SLC38A3: variants seen among roughly 807,000 people sequenced by gnomAD.
SLC38A3 encodes solute carrier family 38 member 3, also known as sodium-coupled neutral amino acid transporter 3.
In SLC38A3, 17 loss-of-function variants were observed where a neutral mutation model predicts 59.5. The observed-to-expected ratio is 0.29, with a 90% CI of 0.20 to 0.43. The LOEUF is 0.43. Among genes scored for constraint, SLC38A3 ranks in the 20% least tolerant of loss-of-function variants. SLC38A3 has a pLI of 1.00. For synonymous variants in SLC38A3, 238 were observed against 260.3 expected, an observed-to-expected ratio of 0.91 and a Z score of 0.82; for missense variants, 454 against 653.9, an observed-to-expected ratio of 0.69 and a Z score of 3.33.
At chr3:50,207,921 G>T (rs2109148487) in intron 1 of SLC38A3, 1 of 152,446 alleles carries the variant, frequency 6.6e-6, no homozygotes. Context: ...GGGAATGGGG[G>T]TCACTCCGAC....
rs769115978 is a variant in SLC38A3 at position 50,218,285 on chromosome 3, G to C, written c.951G>C (p.Lys317Asn). The C allele has an allele frequency of 1.9e-6, 3 of 1,600,290 alleles. No individual in the cohort carries two copies. The highest frequency in any genetic ancestry group is 1.7e-6 in the Non-Finnish European group (2 of 1,167,608). ...YTELKDPSKK[K>N]MQHISNLSIA... ...TTCCCCACAGCCCCTCCAAGAAGAA[G>C]ATGCAGCACATCTCCAACCTGTCCA... Residue 317 changes from lysine (K) to asparagine (N), a missense_variant, in exon 12 of 16, where the codon AAG (lysine) becomes AAC (asparagine). Around this residue, in one of 3 missense-constraint regions of SLC38A3, gnomAD observed 390 missense variants for 557.9 expected, o/e 0.70. Coordinates refer to ENST00000614032, the MANE Select transcript of SLC38A3 (RefSeq NM_006841.6). The surrounding 1 kb of genome is among the most constrained non-coding windows in gnomAD (Gnocchi z 5.8).
chr3:50,216,262 G>A (rs988490776), intron 7 of SLC38A3, among the ~76,000 whole-genome samples: 4 of 152,236 alleles, frequency 2.6e-5, no homozygotes, highest in African/African-American at 9.6e-5. Context: ...GGACAGAGGG[G>A]ACACAGCCAG....
Position 50,218,881 on chromosome 3 carries a change from C to T in SLC38A3, c.1239C>T (p.Gly413=), listed in dbSNP as rs765585734. ...TGCGGCATGTGCTTATTGCCGTTGGCCTGCTCACTTGTATCAACCTGCTGG... is the reference window on the plus strand; with the variant it reads ...TGCGGCATGTGCTTATTGCCGTTGGTCTGCTCACTTGTATCAACCTGCTGG... ...SWLRHVLIAV[G]LLTCINLLVI... The change falls in exon 14 of 16, where the codon GGC becomes GGT. Residue 413 remains glycine (G), a synonymous_variant. Coordinates refer to ENST00000614032, the MANE Select transcript of SLC38A3 (RefSeq NM_006841.6). This position sits in a 1 kb window ranked among gnomAD's most constrained non-coding sequence, Gnocchi z 5.8. 3.1e-6 allele frequency: 5 copies of T among 1,613,598 alleles called. No homozygotes were observed. Among genetic ancestry groups the T allele is most frequent in the Non-Finnish European group, 4.2e-6 (5 of 1,179,664 alleles).
intron 1 of SLC38A3, among the ~76,000 whole-genome samples, chr3:50,210,935 C>T (rs186308795): frequency 6.6e-6 from 1 of 152,186 alleles, no homozygotes; most frequent in Non-Finnish European, 1.5e-5. Context: ...ATGGACTGTT[C>T]TGGGGATGAA....
rs1244054102 is a variant in SLC38A3, at chr3:50,217,986, G to C, written c.925G>C (p.Glu309Gln). Residue 309 changes from glutamate (E) to glutamine (Q), a missense_variant, in exon 11 of 16, where the codon GAG (glutamate) becomes CAG (glutamine). By Grantham distance (29) the Glu-to-Gln change is conservative. Around this residue, in one of 3 missense-constraint regions of SLC38A3, gnomAD observed 390 missense variants for 557.9 expected, o/e 0.70. Coordinates refer to ENST00000614032, the MANE Select transcript of SLC38A3 (RefSeq NM_006841.6). This position sits in a 1 kb window ranked among gnomAD's most constrained non-coding sequence, Gnocchi z 4.9. ...CHPEVLPIYT[E>Q]LKDPSKKKMQ... ...CCCCGAGGTGCTGCCCATCTATACTGAGCTCAAGGAGTAGGTGTCTGTGGC... is the reference window on the plus strand; with the variant it reads ...CCCCGAGGTGCTGCCCATCTATACTCAGCTCAAGGAGTAGGTGTCTGTGGC... The C allele has an allele frequency of 6.2e-7, 1 of 1,614,002 alleles. No homozygotes were observed. The highest frequency in any genetic ancestry group is 1.7e-5 in the Admixed American group (1 of 60,022).
intron 7 of SLC38A3, among the ~76,000 whole-genome samples, chr3:50,216,026 C>A (rs587661312): frequency 6.6e-6 from 1 of 152,214 alleles, no homozygotes; most frequent in South Asian, 2.1e-4. Context: ...CCTTGGAGAC[C>A]CCCCTCCAGA....
intron 1 of SLC38A3, among the ~76,000 whole-genome samples, chr3:50,206,589 C>G (rs1340835077): frequency 6.6e-6 from 1 of 152,236 alleles, no homozygotes; most frequent in Non-Finnish European, 1.5e-5. Context: ...CGGTACCCTT[C>G]CTGCAAGAAG....
At chr3:50,206,768 G>C (rs1214794952) in intron 1 of SLC38A3, among the ~76,000 whole-genome samples, 1 of 152,196 alleles carries the variant, frequency 6.6e-6, no homozygotes. Context: ...TGTTCTGCCT[G>C]GGCCCATGGG....
At chr3:50,212,493 G>T (rs1699744682) in intron 1 of SLC38A3, among the ~76,000 whole-genome samples, 1 of 152,206 alleles carries the variant, frequency 6.6e-6, no homozygotes, top group Non-Finnish European at 1.5e-5. Context: ...CTCAATAAGA[G>T]ATGCTAACAT....
In SLC38A3 at chr3:50,215,274, C is replaced by A; in HGVS notation, c.300-112C>A. On this transcript the variant is annotated intron_variant, in intron 4 of 15. Transcript: ENST00000614032. This position sits in a 1 kb window ranked among gnomAD's most constrained non-coding sequence, Gnocchi z 7.1. ...CATCCATACCTGTTGGGAGTCCAGA[C>A]ACCCAGGTCACAGACCCTCCACCCC... is the stretch of plus-strand genomic sequence containing the variant. 1 of 898,614 alleles carries A rather than the reference C, an allele frequency of 1.1e-6. No homozygotes were observed. 55.7% of individuals were successfully genotyped at this position (898,614 alleles called of 1,614,324 possible). A position where few individuals can be genotyped will look rare whatever the true frequency, so the allele number is the denominator to read the frequency against.
intron 14 of SLC38A3, 62 bp from the exon 15 acceptor site, chr3:50,219,819 C>T (rs765250498): frequency 1.7e-4 from 228 of 1,376,750 alleles, no homozygotes; most frequent in Non-Finnish European, 1.6e-4. Context: ...GAAGAGTCCA[C>T]CCCCGAACCT....
chr3:50,209,648 CA>C (rs113482440), intron 1 of SLC38A3, among the ~76,000 whole-genome samples: 45 of 114,868 alleles, frequency 3.9e-4, no homozygotes, highest in Admixed American at 7.2e-4. Context: ...GACTCCGTCT[CA>C]AAAAAAAAAA....
intron 14 of SLC38A3, 132 bp downstream of exon 14, chr3:50,219,080 T>A: frequency 8.6e-7 from 1 of 1,158,662 alleles, no homozygotes; most frequent in Non-Finnish European, 1.2e-6. Flanking sequence ...GCCTTCCATC[T>A]GAGCTTTTGT....
At chr3:50,208,651 G>A (rs1013302119) in intron 1 of SLC38A3, among the ~76,000 whole-genome samples, 4 of 152,178 alleles carry the variant, frequency 2.6e-5, no homozygotes, top group Non-Finnish European at 5.9e-5. Context: ...TCACCTCCCT[G>A]GTTGTTTCTG....
At position 50,214,779 on chromosome 3, in the gene SLC38A3, T is replaced by A; in HGVS notation, c.299+11T>A. 1 of 1,548,646 alleles carries A rather than the reference T, an allele frequency of 6.5e-7. No individual in the cohort carries two copies. The highest frequency in any genetic ancestry group is 8.9e-7 in the Non-Finnish European group (1 of 1,126,892). ...CATTATCCTTTTCCTGTGAGTGCCC[T>A]CAGAGAAACTTCTAAAGATAGGGGC... On this transcript the variant is annotated intron_variant, in intron 4 of 15. Coordinates refer to ENST00000614032, the MANE Select transcript of SLC38A3 (RefSeq NM_006841.6). The surrounding 1 kb of genome is among the most constrained non-coding windows in gnomAD (Gnocchi z 6.0).
Position 50,220,265 on chromosome 3 carries a change from G to A in SLC38A3, c.*88G>A. 1 of 989,774 alleles carries A rather than the reference G, an allele frequency of 1.0e-6. No individual in the cohort carries two copies. The highest frequency in any genetic ancestry group is 1.5e-6 in the Non-Finnish European group (1 of 647,076). The allele number at this position is 989,774 out of a possible 1,614,324, so 61.3% of individuals were successfully genotyped here. A position where few individuals can be genotyped will look rare whatever the true frequency, so the allele number is the denominator to read the frequency against. On this transcript the variant is annotated 3_prime_UTR_variant, in exon 16 of 16. Transcript: ENST00000614032. ...GCTCCCATCCAGTGGCCAGTCGGGG[G>A]AGGAGAAAGACGCGATTAACACTGT...
intron 1 of SLC38A3, among the ~76,000 whole-genome samples, chr3:50,206,683 G>A (rs1425608983): frequency 6.6e-6 from 1 of 152,232 alleles, no homozygotes; most frequent in Non-Finnish European, 1.5e-5. Context: ...AACCAGAAAT[G>A]GGAATCTGAT....
chr3:50,209,099 T>G (rs1238053556), intron 1 of SLC38A3, among the ~76,000 whole-genome samples: 2 of 152,210 alleles, frequency 1.3e-5, no homozygotes, highest in African/African-American at 2.4e-5. Flanking sequence ...GCGCAGGGTC[T>G]CCCCTGCCCC....
At chr3:50,212,246 G>A (rs1420177310) in intron 1 of SLC38A3, among the ~76,000 whole-genome samples, 2 of 152,238 alleles carry the variant, frequency 1.3e-5, no homozygotes, top group African/African-American at 4.8e-5. Context: ...AGAGAAGGGT[G>A]TTTTGTCCAG....
Sources: allele counts gnomAD v4.1 joint callset (sites outside exome capture counted in the v4.1 genomes callset), GRCh38; gene constraint gnomAD v4.1.1; regional missense constraint gnomAD v4.1.1; non-coding constraint Gnocchi (gnomAD v3.1); transcripts MANE v1.5; gene names NCBI Gene and HGNC (gene_info 2026-07-23, HGNC 2026-07-21).